Variants in PLXNB3 observed in about 807,000 individuals in gnomAD.
The protein encoded by PLXNB3 is plexin B3.
Under a neutral mutation model 125.7 loss-of-function variants are expected in PLXNB3, and 80 were observed. The ratio of observed to expected loss-of-function variants is 0.64; its 90% CI spans 0.53 to 0.77. The LOEUF (loss-of-function observed/expected upper bound fraction) is 0.77, where lower values mean the gene tolerates loss of function less well. Ranked by LOEUF, PLXNB3 falls within the 30% of genes least tolerant of loss-of-function variation. The pLI, the probability that PLXNB3 is intolerant of heterozygous loss-of-function variation, is 0.00. For synonymous variants in PLXNB3, 954 were observed against 783.3 expected (o/e 1.22, Z -3.64); for missense variants, 1,836 against 1,729.3 (o/e 1.06, Z -1.09).
intron 2 of PLXNB3, chrX:153,766,604 T>C: frequency 9.5e-7 from 1 of 1,051,044 alleles, no homozygotes; most frequent in South Asian, 2.9e-5. Context: ...GAAAGAATTC[T>C]GTCCTTGTGT....
At position 153,774,555 on chromosome X, in the gene PLXNB3, C is replaced by T; in HGVS notation, c.3814C>T (p.Leu1272Phe). 1 of 1,205,645 alleles carries T rather than the reference C, an allele frequency of 8.3e-7. No homozygotes were observed. Among genetic ancestry groups the T allele is most frequent in the Non-Finnish European group, 1.1e-6 (1 of 892,499 alleles). ...AGTGCTGATTGCCGCCGTGCTCCTC[C>T]TCACCCTCATGTACAGGTGAGACCC... The part of the protein sequence containing the change: ...AAVLIAAVLL[L>F]TLMYRHKSKQ... Residue 1272 changes from leucine (L) to phenylalanine (F), a missense_variant, in exon 22 of 36, where the codon CTC becomes TTC. By Grantham distance (22) the Leu-to-Phe change is conservative. Transcript: ENST00000361971.
Position 153,771,000 on chromosome X carries a change from G to C in PLXNB3, c.2172G>C (p.Leu724=), listed in dbSNP as rs781865934. 2 of 1,210,045 alleles carry C rather than the reference G, an allele frequency of 1.7e-6. No homozygotes were observed. The highest frequency in any genetic ancestry group is 3.5e-5 in the African/African-American group (2 of 57,621). ...CCTCCTTCCACTGCTGGCTGGAGCT[G>C]CCTGGAGAACTTCGGGGACTGCCGG... ...LPASFHCWLE[L]PGELRGLPAT... is the part of the protein sequence containing the mutation. Residue 724 remains leucine (L), a synonymous_variant, in exon 12 of 36, where the codon CTG becomes CTC. Coordinates refer to ENST00000361971, the MANE Select transcript of PLXNB3 (RefSeq NM_005393.3).
Position 153,769,949 on chromosome X carries a change from C to T in PLXNB3, c.1629+10C>T. The T allele has an allele frequency of 1.7e-6, 2 of 1,203,788 alleles. No homozygotes were observed. Among genetic ancestry groups the T allele is most frequent in the South Asian group, 3.6e-5 (2 of 55,510 alleles). The stretch of plus-strand genomic sequence containing the variant: ...CCAGGAGCAGGGCCAGGTAAGCCGC[C>T]CACCACCACTGGGCCCTCTGGGCAG... On this transcript the variant is annotated intron_variant, in intron 7 of 35. Transcript: ENST00000361971.
chrX:153,773,396 A>G lies in PLXNB3; in HGVS notation c.3073A>G (p.Ser1025Gly). ...GCTTGTAGCGGCGGAGCCCAGTGCCAGCTTCCGGGGGTGAGGGTCAGCCCG... is the reference window on the plus strand; with the variant it reads ...GCTTGTAGCGGCGGAGCCCAGTGCCGGCTTCCGGGGGTGAGGGTCAGCCCG... ...PQLVAAEPSA[S>G]FRGGGRLIRV... Residue 1025 changes from serine to glycine, a missense_variant, in exon 18 of 36, where the codon AGC (serine) becomes GGC (glycine). By Grantham distance (56) the Ser-to-Gly change is moderately conservative. Coordinates refer to ENST00000361971, the MANE Select transcript of PLXNB3 (RefSeq NM_005393.3). 2 of 1,202,486 alleles carry G rather than the reference A, an allele frequency of 1.7e-6. No homozygotes were observed. Among genetic ancestry groups the G allele is most frequent in the African/African-American group, 1.7e-5 (1 of 57,781 alleles).
chrX:153,769,211 G>A lies in PLXNB3; in HGVS notation c.1445G>A (p.Ser482Asn). 1 of 1,179,884 alleles carries A rather than the reference G, an allele frequency of 8.5e-7. No homozygotes were observed. The highest frequency in any genetic ancestry group is 1.1e-6 in the Non-Finnish European group (1 of 879,428). The change falls in exon 6 of 36, where the codon AGC becomes AAC. Residue 482 changes from serine to asparagine, a missense_variant. Transcript: ENST00000361971. ...AACPQFPDCA[S>N]CLQAQDPLCG... ...TGCCCCCAGTTCCCTGACTGTGCCA[G>A]CTGCCTCCAGGCCCAGGACCCGCTG...
Position 153,777,600 on chromosome X carries a change from G to A in PLXNB3, c.5173G>A (p.Val1725Ile), listed in dbSNP as rs781971067. ...LSVNRPIPIA[V>I]KYLFDLLDEL... Reference sequence around the variant, plus strand: ...CGTGAACCGGCCCATCCCCATCGCCGTCAAGTACCTGTTTGACCTTCTGGA... The same window carrying A: ...CGTGAACCGGCCCATCCCCATCGCCATCAAGTACCTGTTTGACCTTCTGGA... Residue 1725 changes from valine to isoleucine, a missense_variant, in exon 31 of 36, where the codon GTC becomes ATC. Val to Ile is a conservative substitution (Grantham distance 29). Coordinates refer to ENST00000361971, the MANE Select transcript of PLXNB3 (RefSeq NM_005393.3). 7 of 1,211,634 alleles carry A rather than the reference G, an allele frequency of 5.8e-6. No homozygotes were observed. Among genetic ancestry groups the A allele is most frequent in the Admixed American group, 4.3e-5 (2 of 46,146 alleles).
intron 3 of PLXNB3, 78 bp downstream of exon 3, chrX:153,767,991 T>C (rs2091878341): frequency 1.0e-6 from 1 of 1,000,754 alleles, no homozygotes; most frequent in Non-Finnish European, 1.3e-6. Flanking sequence ...TGCCTGCCCA[T>C]GGGAAGTGCC....
rs2091938677 is a variant in PLXNB3, at chrX:153,772,172, G to A, written c.2670-10G>A. On this transcript the variant is annotated splice_polypyrimidine_tract_variant and intron_variant, in intron 15 of 35. Coordinates refer to ENST00000361971, the MANE Select transcript of PLXNB3 (RefSeq NM_005393.3). Reference sequence around the variant, plus strand: ...GAGCCCTGAGCAGCTCCCAGGCCTCGGCTTTCCAGGATTGTGTGTGTGACA... The same window carrying A: ...GAGCCCTGAGCAGCTCCCAGGCCTCAGCTTTCCAGGATTGTGTGTGTGACA... 10 of 1,078,639 alleles carry A rather than the reference G, an allele frequency of 9.3e-6. No individual in the cohort carries two copies. The highest frequency in any genetic ancestry group is 4.5e-5 in the East Asian group (1 of 21,985). 88.9% of individuals were successfully genotyped at this position (1,078,639 alleles called of 1,213,427 possible). A position where few individuals can be genotyped will look rare whatever the true frequency, so the allele number is the denominator to read the frequency against.
In PLXNB3 at chrX:153,771,965, G is replaced by A; in HGVS notation, c.2619G>A (p.Val873=). ...AFADVQYAVS[V]ASRPCNPEPS... is the part of the protein sequence containing the mutation. ...CCGATGTGCAGTACGCCGTGAGCGTGGCCAGCCGGCCCTGCAACCCTGAGC... is the reference window on the plus strand; with the variant it reads ...CCGATGTGCAGTACGCCGTGAGCGTAGCCAGCCGGCCCTGCAACCCTGAGC... Residue 873 remains valine, a synonymous_variant, in exon 15 of 36, where the codon GTG becomes GTA. Transcript: ENST00000361971. 1 of 1,207,644 alleles carries A rather than the reference G, an allele frequency of 8.3e-7. No homozygotes were observed. Among genetic ancestry groups the A allele is most frequent in the Non-Finnish European group, 1.1e-6 (1 of 894,033 alleles).
intron 1 of PLXNB3, among the ~76,000 whole-genome samples, chrX:153,764,805 A>G (rs1241956727): frequency 8.9e-6 from 1 of 112,803 alleles, no homozygotes; most frequent in Non-Finnish European, 1.9e-5. Context: ...CATCTAGGCC[A>G]GCAGGACGGT....
In PLXNB3 at chrX:153,769,179, G is replaced by A. The variant is rs782004288; in HGVS notation, c.1413G>A (p.Val471=). Reference sequence around the variant, plus strand: ...CCCTCCAGGTGGACCGGATACCTGTGGCAGCCTGCCCCCAGTTCCCTGACT... The same window carrying A: ...CCCTCCAGGTGGACCGGATACCTGTAGCAGCCTGCCCCCAGTTCCCTGACT... The part of the protein sequence containing the change: ...LTAHQVDRIP[V]AACPQFPDCA... The change falls in exon 6 of 36, where the codon GTG becomes GTA. Residue 471 remains valine (V), a synonymous_variant. Transcript: ENST00000361971. The A allele has an allele frequency of 1.7e-6, 2 of 1,187,001 alleles. No homozygotes were observed. Among genetic ancestry groups the A allele is most frequent in the Admixed American group, 4.7e-5 (2 of 42,353 alleles).
At position 153,774,200 on chromosome X, in the gene PLXNB3, C is replaced by T; in HGVS notation, c.3534C>T (p.Asn1178=). 1 of 1,204,217 alleles carries T rather than the reference C, an allele frequency of 8.3e-7. No individual in the cohort carries two copies. The highest frequency in any genetic ancestry group is 1.1e-6 in the Non-Finnish European group (1 of 894,900). Residue 1178 remains asparagine (N), a synonymous_variant, in exon 21 of 36, where the codon AAC becomes AAT. Coordinates refer to ENST00000361971, the MANE Select transcript of PLXNB3 (RefSeq NM_005393.3). ...HVLDVEGEGL[N]LGISKEEVRV... ...GTGTGTCCCAGGGCGAGGGCCTCAA[C>T]CTGGGCATCAGCAAGGAGGAGGTGC...
At chrX:153,768,454 C>G in intron 4 of PLXNB3, 26 bp downstream of exon 4, 1 of 1,163,329 alleles carries the variant, frequency 8.6e-7, no homozygotes, top group South Asian at 1.9e-5. Context: ...TGCTGTCCGG[C>G]TGGGTGTGCC....
intron 7 of PLXNB3, 48 bp from the exon 8 acceptor site, chrX:153,770,044 C>T (rs975892314): frequency 8.3e-7 from 1 of 1,199,848 alleles, no homozygotes; most frequent in Non-Finnish European, 1.1e-6. Context: ...GCCTCTGCTG[C>T]CCCCTCTCTC....
In PLXNB3 at chrX:153,774,586, C is replaced by A. The variant is rs1557063330; in HGVS notation, c.3830+15C>A. ...CTCATGTACAGGTGAGACCCGCCCACCCCCAGCACACTTCCCTCCTCGCCA... is the reference window on the plus strand; with the variant it reads ...CTCATGTACAGGTGAGACCCGCCCAACCCCAGCACACTTCCCTCCTCGCCA... On this transcript the variant is annotated intron_variant, in intron 22 of 35. Transcript: ENST00000361971. 1 of 1,182,933 alleles carries A rather than the reference C, an allele frequency of 8.5e-7. No homozygotes were observed. Among genetic ancestry groups the A allele is most frequent in the East Asian group, 3.0e-5 (1 of 33,412 alleles).
In PLXNB3 at chrX:153,766,933, C is replaced by T. The variant is rs1557059431; in HGVS notation, c.106C>T (p.Pro36Ser). 8 of 1,210,093 alleles carry T rather than the reference C, an allele frequency of 6.6e-6. No individual in the cohort carries two copies. Among genetic ancestry groups the T allele is most frequent in the Non-Finnish European group, 8.9e-6 (8 of 895,326 alleles). The change falls in exon 3 of 36, where the codon CCA (proline) becomes TCA (serine). Residue 36 changes from proline to serine, a missense_variant. By Grantham distance (74) the Pro-to-Ser change is moderately conservative. Transcript: ENST00000361971. ...CTGCCTCCTCCTGCTGCTGCTGTCC[C>T]CACCGCCACTGCCCTTGACAGGGGC... Reference protein sequence around the residue: ...GLCLLLLLLSPPPLPLTGAHR... With the variant: ...GLCLLLLLLSSPPLPLTGAHR...
At position 153,778,975 on chromosome X, in the gene PLXNB3, T is replaced by C. The variant is rs1557065554; in HGVS notation, c.5666T>C (p.Leu1889Pro). 33 of 1,196,825 alleles carry C rather than the reference T, an allele frequency of 2.8e-5. No homozygotes were observed. The highest frequency in any genetic ancestry group is 3.4e-5 in the Non-Finnish European group (30 of 888,684). The change falls in exon 36 of 36, where the codon CTG (leucine) becomes CCG (proline). Residue 1889 changes from leucine to proline, a missense_variant. Transcript: ENST00000361971. Reference sequence around the variant, plus strand: ...GAGGAGGACCCTGTGGGCCAGAAGCTGCAGCTGGCCTGCCGCCTGCAGCAG... The same window carrying C: ...GAGGAGGACCCTGTGGGCCAGAAGCCGCAGCTGGCCTGCCGCCTGCAGCAG... The part of the protein sequence containing the change: ...ALEEDPVGQK[L>P]QLACRLQQVA...
In PLXNB3 at chrX:153,774,025, G is replaced by A. The variant is rs781889794; in HGVS notation, c.3446G>A (p.Arg1149His). The A allele has an allele frequency of 1.8e-5, 22 of 1,199,866 alleles. No individual in the cohort carries two copies. The highest frequency in any genetic ancestry group is 2.3e-4 in the Middle Eastern group (1 of 4,319). ...GQGFLYQPNP[R>H]LAPLSREGPA... ...GGCTTCCTGTACCAGCCCAACCCCC[G>A]CCTGGCACCCCTCAGCCGCGAGGGG... The change falls in exon 20 of 36, where the codon CGC becomes CAC. Residue 1149 changes from arginine to histidine, a missense_variant. Transcript: ENST00000361971.
At position 153,770,256 on chromosome X, in the gene PLXNB3, GC is replaced by G; in HGVS notation, c.1786+11del. On this transcript the variant is annotated intron_variant, in intron 8 of 35. Coordinates refer to ENST00000361971, the MANE Select transcript of PLXNB3 (RefSeq NM_005393.3). ...TTAACCCTCCAGGCACAGGTGAGTG[GC>G]CCATGGGGTAGGGGGCTGGGATGGA... is the stretch of plus-strand genomic sequence containing the variant. 1 of 1,210,162 alleles carries G rather than the reference GC, an allele frequency of 8.3e-7. No individual in the cohort carries two copies. The highest frequency in any genetic ancestry group is 1.1e-6 in the Non-Finnish European group (1 of 894,950).
Sources: allele counts gnomAD v4.1 joint callset (sites outside exome capture counted in the v4.1 genomes callset), GRCh38; gene constraint gnomAD v4.1.1; transcripts MANE v1.5; gene names NCBI Gene and HGNC (gene_info 2026-07-23, HGNC 2026-07-21).